The following PARP14 variants were observed in gnomAD, a reference collection of about 807,000 sequenced individuals.
PARP14 encodes poly(ADP-ribose) polymerase family member 14.
Under a neutral mutation model 154.2 loss-of-function variants are expected in PARP14, and 59 were observed. That is an observed-to-expected ratio of 0.38 (90% CI 0.31 to 0.48). The LOEUF is 0.48. Ranked by LOEUF, PARP14 falls within the 20% of genes least tolerant of loss-of-function variation. The probability of loss-of-function intolerance (pLI) is 0.98; values close to 1 mark genes in which losing one functional copy is unlikely to be tolerated. For synonymous variants in PARP14, 720 were observed against 780.5 expected (o/e 0.92, Z 1.29); for missense variants, 1,734 against 2,131.6 (o/e 0.81, Z 3.67).
At chr3:122,693,413 A>G (rs1418900335) in intron 4 of PARP14, among the ~76,000 whole-genome samples, 2 of 152,240 alleles carry the variant, frequency 1.3e-5, no homozygotes, top group African/African-American at 4.8e-5. Flanking sequence ...CAGCTCTGCC[A>G]TTTAACTAGT....
At position 122,704,719 on chromosome 3, in the gene PARP14, C is replaced by A; in HGVS notation, c.3511C>A (p.Leu1171Met). The A allele has an allele frequency of 6.2e-7, 1 of 1,601,978 alleles. No individual in the cohort carries two copies. Residue 1171 changes from leucine (L) to methionine (M), a missense_variant, in exon 8 of 17, where the codon CTG (leucine) becomes ATG (methionine). Around this residue, in one of 2 missense-constraint regions of PARP14, gnomAD observed 1,646 missense variants for 1,976.0 expected, o/e 0.83. Transcript: ENST00000474629. ...AACTTTACAAGAGGTTCACTTTCTGCTGCACCCGAGTGATCATGAAAATAT... is the reference window on the plus strand; with the variant it reads ...AACTTTACAAGAGGTTCACTTTCTGATGCACCCGAGTGATCATGAAAATAT... ...LKTLQEVHFL[L>M]HPSDHENIQA...
intron 9 of PARP14, among the ~76,000 whole-genome samples, chr3:122,709,123 G>A (rs1023583338): frequency 5.9e-5 from 9 of 152,046 alleles, no homozygotes; most frequent in Non-Finnish European, 4.4e-5. Flanking sequence ...TTCTTTAGTA[G>A]TGATTTCTGA....
chr3:122,705,048 T>C (rs559123124), intron 8 of PARP14, among the ~76,000 whole-genome samples: 3 of 152,356 alleles, frequency 2.0e-5, no homozygotes, highest in East Asian at 3.9e-4. Flanking sequence ...ATGGCCAATA[T>C]GTTTCATCTC....
In PARP14 at chr3:122,681,831, C is replaced by T. The variant is rs1938218740; in HGVS notation, c.187+761C>T. On this transcript the variant is annotated intron_variant, in intron 1 of 16. Transcript: ENST00000474629. The surrounding 1 kb of genome is among the most constrained non-coding windows in gnomAD (Gnocchi z 5.5). ...CAAGAGCCCAGAGGTGATCTGCTGG[C>T]TCAAGGGCCTCCCTGGTCTGCAATG... 6.6e-6 allele frequency among the ~76,000 whole-genome samples: 1 copy of T among 152,208 alleles called. No individual in the cohort carries two copies. Among genetic ancestry groups the T allele is most frequent in the Non-Finnish European group, 1.5e-5 (1 of 68,040 alleles).
chr3:122,681,127 A>G lies in PARP14; in HGVS notation c.187+57A>G. 1 of 1,329,510 alleles carries G rather than the reference A, an allele frequency of 7.5e-7. No homozygotes were observed. The highest frequency in any genetic ancestry group is 1.0e-6 in the Non-Finnish European group (1 of 960,210). The allele number at this position is 1,329,510 out of a possible 1,614,324, so 82.4% of individuals were successfully genotyped here. On this transcript the variant is annotated intron_variant, in intron 1 of 16. Coordinates refer to ENST00000474629, the MANE Select transcript of PARP14 (RefSeq NM_017554.3). The surrounding 1 kb of genome is among the most constrained non-coding windows in gnomAD (Gnocchi z 5.5). ...GGCACCTCTGCCCTCCCTCCAGGGAAATGGCGGCAGGGCACGCACGGGAGG... is the reference window on the plus strand; with the variant it reads ...GGCACCTCTGCCCTCCCTCCAGGGAGATGGCGGCAGGGCACGCACGGGAGG...
intron 5 of PARP14, among the ~76,000 whole-genome samples, chr3:122,698,830 G>A (rs756568678): frequency 3.3e-5 from 5 of 152,092 alleles, no homozygotes; most frequent in Non-Finnish European, 5.9e-5. Context: ...TAAAATTATA[G>A]GACTGTACAA....
In PARP14 at chr3:122,692,360, G is replaced by A. The variant is rs1938568871; in HGVS notation, c.415G>A (p.Asp139Asn). 1.2e-6 allele frequency: 2 copies of A among 1,613,146 alleles called. No individual in the cohort carries two copies. Among genetic ancestry groups the A allele is most frequent in the Non-Finnish European group, 1.7e-6 (2 of 1,179,262 alleles). The change falls in exon 4 of 17, where the codon GAT becomes AAT. Residue 139 changes from aspartate (D) to asparagine (N), a missense_variant. Physicochemically the swap from Asp to Asn is conservative, Grantham distance 23. Coordinates refer to ENST00000474629, the MANE Select transcript of PARP14 (RefSeq NM_017554.3). ...TGATGGTGGATTAGACAAAATGGAA[G>A]ATATCCCAGAGGAATGTGAAAATAT... The part of the protein sequence containing the change: ...PLDGGLDKME[D>N]IPEECENISS...
chr3:122,685,094 G>A, intron 1 of PARP14, 91 bp from the exon 2 acceptor site: 6 of 1,410,028 alleles, frequency 4.3e-6, no homozygotes, highest in Non-Finnish European at 5.9e-6. Flanking sequence ...GCCATTGATT[G>A]ATGGTAATGC....
Position 122,701,458 on chromosome 3 carries a change from G to A in PARP14, c.2904G>A (p.Glu968=). The A allele has an allele frequency of 6.2e-7, 1 of 1,613,994 alleles. No individual in the cohort carries two copies. Among genetic ancestry groups the A allele is most frequent in the Non-Finnish European group, 8.5e-7 (1 of 1,179,886 alleles). ...YLVDVSEKTV[E]AFAEAVKTVF... is the part of the protein sequence containing the mutation. ...TGGATGTATCTGAGAAGACTGTTGA[G>A]GCCTTTGCAGAAGCTGTGAAAACTG... Residue 968 remains glutamate (E), a synonymous_variant, in exon 6 of 17, where the codon GAG becomes GAA. Transcript: ENST00000474629. This position sits in a 1 kb window ranked among gnomAD's most constrained non-coding sequence, Gnocchi z 4.0.
Position 122,728,630 on chromosome 3 carries a change from C to T in PARP14, c.*33C>T. ...GTATCCTTCCCACAAAATTATTCTCCATTTGTACATATCTAGTTGTAAAAC... is the reference window on the plus strand; with the variant it reads ...GTATCCTTCCCACAAAATTATTCTCTATTTGTACATATCTAGTTGTAAAAC... On this transcript the variant is annotated 3_prime_UTR_variant, in exon 17 of 17. Transcript: ENST00000474629. 5 of 1,528,128 alleles carry T rather than the reference C, an allele frequency of 3.3e-6. No individual in the cohort carries two copies. Among genetic ancestry groups the T allele is most frequent in the Non-Finnish European group, 4.5e-6 (5 of 1,112,872 alleles). The allele number at this position is 1,528,128 out of a possible 1,614,324, so 94.7% of individuals were successfully genotyped here.
Position 122,699,394 on chromosome 3 carries a change from A to G in PARP14, c.840A>G (p.Leu280=), listed in dbSNP as rs1017584640. 1 of 1,596,936 alleles carries G rather than the reference A, an allele frequency of 6.3e-7. No homozygotes were observed. The highest frequency in any genetic ancestry group is 8.6e-7 in the Non-Finnish European group (1 of 1,168,612). ...TTTTACTTCTTTCCTTTTAAGTGTT[A>G]GACACCATCATGGCCACAAAACTCG... The part of the protein sequence containing the change: ...ALIEFFDRKV[L]DTIMATKLDF... Residue 280 remains leucine, a synonymous_variant, in exon 6 of 17, where the codon TTA becomes TTG. Coordinates refer to ENST00000474629, the MANE Select transcript of PARP14 (RefSeq NM_017554.3).
chr3:122,718,624 G>A lies in PARP14; in HGVS notation c.4473G>A (p.Lys1491=). Residue 1491 remains lysine, a synonymous_variant, in exon 14 of 17, where the codon AAG becomes AAA. Coordinates refer to ENST00000474629, the MANE Select transcript of PARP14 (RefSeq NM_017554.3). ...ATATTAACATTTCCCTGGACCATAA[G>A]AGACCTTTGATTAAGGTTTTGGGAA... ...KLNINISLDH[K]RPLIKVLGIS... 1.2e-6 allele frequency: 2 copies of A among 1,613,944 alleles called. No individual in the cohort carries two copies. The highest frequency in any genetic ancestry group is 1.7e-6 in the Non-Finnish European group (2 of 1,179,854).
chr3:122,682,117 C>T (rs566907850), intron 1 of PARP14, among the ~76,000 whole-genome samples: 1 of 152,278 alleles, frequency 6.6e-6, no homozygotes, highest in East Asian at 1.9e-4. Flanking sequence ...AGGAGATATG[C>T]TTGGCTCATG....
chr3:122,685,745 T>G (rs953345052), intron 2 of PARP14, among the ~76,000 whole-genome samples: 1 of 152,004 alleles, frequency 6.6e-6, no homozygotes, highest in Admixed American at 6.6e-5. Flanking sequence ...CCTGACCTCA[T>G]GATCGGCCCA....
At chr3:122,712,211 T>C (rs1275597020) in intron 9 of PARP14, among the ~76,000 whole-genome samples, 1 of 151,880 alleles carries the variant, frequency 6.6e-6, no homozygotes. Flanking sequence ...TAAAGTCTTC[T>C]ATAATTCACA....
intron 3 of PARP14, among the ~76,000 whole-genome samples, chr3:122,690,551 G>T (rs1011834877): frequency 2.0e-5 from 3 of 152,034 alleles, no homozygotes; most frequent in African/African-American, 7.3e-5. Context: ...AGACGGAATC[G>T]CCCAGACTGG....
chr3:122,703,067 A>G (rs565141349), intron 6 of PARP14, among the ~76,000 whole-genome samples: 4 of 151,560 alleles, frequency 2.6e-5, no homozygotes, highest in African/African-American at 7.3e-5. Context: ...TTTCACTCCC[A>G]TAGATGCTTA....
chr3:122,718,227 G>A lies in PARP14; in HGVS notation c.4157G>A (p.Arg1386Lys). ...LDVFYANMKK[R>K]EGTQLSSQQS... is the part of the protein sequence containing the mutation. ...GTGTTTTATGCCAACATGAAGAAAA[G>A]AGAAGGGACTCAGCTTTCTTCCCAA... Residue 1386 changes from arginine to lysine, a missense_variant, in exon 13 of 17, where the codon AGA becomes AAA. This residue lies in a region of PARP14 where 1,646 missense variants were observed against 1,976.0 expected (regional missense o/e 0.83). Coordinates refer to ENST00000474629, the MANE Select transcript of PARP14 (RefSeq NM_017554.3). 2.5e-6 allele frequency: 4 copies of A among 1,613,720 alleles called. No homozygotes were observed. The highest frequency in any genetic ancestry group is 3.4e-6 in the Non-Finnish European group (4 of 1,179,756).
intron 8 of PARP14, among the ~76,000 whole-genome samples, chr3:122,705,244 C>A (rs1939117015): frequency 6.6e-6 from 1 of 152,194 alleles, no homozygotes; most frequent in Non-Finnish European, 1.5e-5. Flanking sequence ...ATTATCAAAT[C>A]AATTCTCAAA....
Sources: allele counts gnomAD v4.1 joint callset (sites outside exome capture counted in the v4.1 genomes callset), GRCh38; gene constraint gnomAD v4.1.1; regional missense constraint gnomAD v4.1.1; non-coding constraint Gnocchi (gnomAD v3.1); transcripts MANE v1.5; gene names NCBI Gene and HGNC (gene_info 2026-07-23, HGNC 2026-07-21).